Variants in HS2ST1 observed in about 807,000 individuals in gnomAD.
HS2ST1 encodes the protein heparan sulfate 2-O-sulfotransferase 1.
A neutral mutation model predicts 42.9 loss-of-function variants in HS2ST1; 18 were observed. That is an observed-to-expected ratio of 0.42 (90% CI 0.29 to 0.62). The LOEUF (loss-of-function observed/expected upper bound fraction) is 0.62. Among genes scored for constraint, HS2ST1 ranks in the 20% least tolerant of loss-of-function variants. The pLI, the probability that HS2ST1 is intolerant of heterozygous loss-of-function variation, is 0.21. For missense variants in HS2ST1, 334 were observed against 433.8 expected, an observed-to-expected ratio of 0.77 and a Z score of 2.04; for synonymous variants, 146 against 152.9, an observed-to-expected ratio of 0.95 and a Z score of 0.33.
At chr1:87,059,950 A>G (rs1417085170) in intron 1 of HS2ST1, among the ~76,000 whole-genome samples, 1 of 152,150 alleles carries the variant, frequency 6.6e-6, no homozygotes, top group East Asian at 1.9e-4. Flanking sequence ...CCTATATTGG[A>G]CCTACTTCAG....
At chr1:87,045,477 C>T (rs1321065129) in intron 1 of HS2ST1, 10 of 1,028,094 alleles carry the variant, frequency 9.7e-6, no homozygotes, top group Non-Finnish European at 1.5e-5. Context: ...AGAACAGTCA[C>T]TTTATGGACA....
intron 1 of HS2ST1, among the ~76,000 whole-genome samples, chr1:86,986,268 C>T (rs1648783176): frequency 6.6e-6 from 1 of 151,840 alleles, no homozygotes; most frequent in Non-Finnish European, 1.5e-5. Context: ...ACAGAAAAGG[C>T]CTTTTCTGGA....
At chr1:86,966,924 T>C (rs1273354224) in intron 1 of HS2ST1, among the ~76,000 whole-genome samples, 2 of 150,470 alleles carry the variant, frequency 1.3e-5, no homozygotes, top group Non-Finnish European at 3.0e-5. Context: ...GGAATTTCGC[T>C]CTTGTTGCCC....
At chr1:86,986,987 G>A (rs1648802019) in intron 1 of HS2ST1, among the ~76,000 whole-genome samples, 1 of 151,468 alleles carries the variant, frequency 6.6e-6, no homozygotes, top group Admixed American at 6.6e-5. Context: ...TCCCTGTTCT[G>A]CCTGGGACTG....
chr1:86,923,117 A>G (rs1450704628), intron 1 of HS2ST1, among the ~76,000 whole-genome samples: 1 of 152,110 alleles, frequency 6.6e-6, no homozygotes, highest in African/African-American at 2.4e-5. Flanking sequence ...AATATTACCC[A>G]GTTTATTTTT....
chr1:86,951,255 G>A (rs1647505590), intron 1 of HS2ST1, among the ~76,000 whole-genome samples: 1 of 152,152 alleles, frequency 6.6e-6, no homozygotes, highest in Admixed American at 6.5e-5. Context: ...GCAACTGTAG[G>A]TAGACTCAAT....
At chr1:86,936,271 T>C (rs1208222835) in intron 1 of HS2ST1, among the ~76,000 whole-genome samples, 3 of 152,200 alleles carry the variant, frequency 2.0e-5, no homozygotes, top group Admixed American at 2.0e-4. Context: ...ATCATTGAAT[T>C]TTTAGGGATG....
intron 1 of HS2ST1, among the ~76,000 whole-genome samples, chr1:87,046,892 G>C (rs963469683): frequency 1.3e-5 from 2 of 148,680 alleles, no homozygotes; most frequent in African/African-American, 5.0e-5. Context: ...ATTTTTAGTA[G>C]AGACGGGCTT....
chr1:86,941,559 G>A (rs1660763888), intron 1 of HS2ST1, among the ~76,000 whole-genome samples: 1 of 151,980 alleles, frequency 6.6e-6, no homozygotes, highest in Non-Finnish European at 1.5e-5. Context: ...ATCAGTTGAG[G>A]TCAGGAGTTG....
rs146520835 is a variant in HS2ST1, at chr1:87,059,120, G to C, written c.125-13814G>C. ...TCCTGGCTCACAGTAAAGGCTCAAA[G>C]TAGAAGCACTTGTTACACTGATAAT... On this transcript the variant is annotated intron_variant, in intron 1 of 6. Coordinates refer to ENST00000370550, the MANE Select transcript of HS2ST1 (RefSeq NM_012262.4). Among the ~76,000 whole-genome samples, 120 of 152,286 alleles carry C rather than the reference G, an allele frequency of 7.9e-4. 1 individual carries two copies. In the East Asian group the frequency reaches 0.02, roughly 26 times the overall value.
intron 1 of HS2ST1, among the ~76,000 whole-genome samples, chr1:86,924,509 A>G (rs368633707): frequency 1.3e-5 from 2 of 152,102 alleles, no homozygotes; most frequent in Non-Finnish European, 2.9e-5. Context: ...CCCCACAGCA[A>G]ACTTCTGCTT....
chr1:87,082,221 G>A (rs1468662773), intron 2 of HS2ST1, among the ~76,000 whole-genome samples: 2 of 152,100 alleles, frequency 1.3e-5, no homozygotes, highest in Admixed American at 1.3e-4. Flanking sequence ...GTGTTGAAGG[G>A]TACACATTGG....
chr1:87,070,721 A>G (rs907069017), intron 1 of HS2ST1, among the ~76,000 whole-genome samples: 1 of 152,214 alleles, frequency 6.6e-6, no homozygotes, highest in East Asian at 1.9e-4. Flanking sequence ...ATAAAGCACT[A>G]TTGATTTAAA....
intron 1 of HS2ST1, among the ~76,000 whole-genome samples, chr1:86,919,193 C>A (rs1195378065): frequency 2.6e-5 from 4 of 152,028 alleles, no homozygotes; most frequent in African/African-American, 4.8e-5. Context: ...GATCTGCCCC[C>A]CTCTGCCTTC....
At position 87,029,921 on chromosome 1, in the gene HS2ST1, T is replaced by C. The variant is rs190813057; in HGVS notation, c.125-43013T>C. Among the ~76,000 whole-genome samples the C allele has an allele frequency of 2.0e-3, 309 of 152,348 alleles. 1 individual carries two copies. Among genetic ancestry groups the C allele is most frequent in the African/African-American group, 7.1e-3 (297 of 41,576 alleles). ...ATTGAGTATGACTCTATAGTATGCT[T>C]ACTACTTATTTTGGTTTCTTGCCCA... On this transcript the variant is annotated intron_variant, in intron 1 of 6. Coordinates refer to ENST00000370550, the MANE Select transcript of HS2ST1 (RefSeq NM_012262.4).
intron 1 of HS2ST1, among the ~76,000 whole-genome samples, chr1:87,063,801 G>T (rs4431894): frequency 0.7 from 105,915 of 152,078 alleles, 39,148 homozygotes; most frequent in East Asian, 0.97. Context: ...TTTGGTGTTG[G>T]TCATTTCTTG....
At chr1:86,926,728 A>G (rs1393001499) in intron 1 of HS2ST1, among the ~76,000 whole-genome samples, 1 of 152,200 alleles carries the variant, frequency 6.6e-6, no homozygotes, top group African/African-American at 2.4e-5. Flanking sequence ...ATACTTAGTA[A>G]TTAAAACTAA....
intron 1 of HS2ST1, among the ~76,000 whole-genome samples, chr1:87,001,118 CA>C (rs1199482455): frequency 6.6e-6 from 1 of 152,020 alleles, no homozygotes; most frequent in Non-Finnish European, 1.5e-5. Flanking sequence ...AAAATGAGAG[CA>C]AAAATATTTT....
chr1:86,968,628 A>ATTC (rs1648134956), intron 1 of HS2ST1, among the ~76,000 whole-genome samples: 1 of 151,186 alleles, frequency 6.6e-6, no homozygotes, highest in South Asian at 2.1e-4. Context: ...TGGTCTCGGG[A>ATTC]CTCCTGGCCT....
Sources: gnomAD v4.1 joint callset for allele counts (sites outside exome capture counted in the v4.1 genomes callset) on GRCh38, gnomAD v4.1.1 for gene constraint, MANE v1.5 for transcripts, NCBI Gene and HGNC (gene_info 2026-07-23, HGNC 2026-07-21) for gene names.